PPP2R2C: variants seen among roughly 807,000 people sequenced by gnomAD.
The protein encoded by PPP2R2C is protein phosphatase 2 regulatory subunit Bgamma.
Under a neutral mutation model 45.3 loss-of-function variants are expected in PPP2R2C, and 10 were observed. The observed-to-expected ratio is 0.22, with a 90% CI of 0.14 to 0.37. The LOEUF is 0.37. Ranked by LOEUF, PPP2R2C falls within the 10% of genes least tolerant of loss-of-function variation. The pLI, the probability that PPP2R2C is intolerant of heterozygous loss-of-function variation, is 1.00. For synonymous variants in PPP2R2C, 257 were observed against 245.4 expected (o/e 1.05, Z -0.44); for missense variants, 308 against 619.7 (o/e 0.50, Z 5.34).
chr4:6,343,074 C>T (rs1312526229), intron 6 of PPP2R2C, among the ~76,000 whole-genome samples: 2 of 152,118 alleles, frequency 1.3e-5, no homozygotes, highest in Non-Finnish European at 1.5e-5. Context: ...AATCCTAATC[C>T]CCAAATCCCT....
intron 6 of PPP2R2C, among the ~76,000 whole-genome samples, chr4:6,338,081 CAA>C (rs1733129614): frequency 6.6e-6 from 1 of 152,036 alleles, no homozygotes; most frequent in Non-Finnish European, 1.5e-5. Context: ...AGAGCGCTAA[CAA>C]GAGATAAGGG....
At chr4:6,544,284 A>G (rs1423341726) in intron 1 of PPP2R2C, among the ~76,000 whole-genome samples, 1 of 152,226 alleles carries the variant, frequency 6.6e-6, no homozygotes, top group Non-Finnish European at 1.5e-5. Context: ...AGCTACCGGA[A>G]GTCCCTCTAG....
intron 1 of PPP2R2C, among the ~76,000 whole-genome samples, chr4:6,446,592 G>A (rs1720431967): frequency 6.6e-6 from 1 of 152,160 alleles, no homozygotes; most frequent in South Asian, 2.1e-4. Context: ...ATGAGGCCCA[G>A]GCAGGGCTTG....
rs1732444279 is a variant in PPP2R2C at position 6,331,997 on chromosome 4, G to A, written c.960+1565C>T. ...TAGCATCAATAGGTCAGCTGGGCCA[G>A]ATGCCAAGTGCCCAGCTTACGGCCT... On this transcript the variant is annotated intron_variant, in intron 7 of 8. Coordinates refer to ENST00000382599, the MANE Select transcript of PPP2R2C (RefSeq NM_020416.4). This position sits in a 1 kb window ranked among gnomAD's most constrained non-coding sequence, Gnocchi z 5.9. 6.6e-6 allele frequency among the ~76,000 whole-genome samples: 1 copy of A among 152,250 alleles called. No homozygotes were observed. The highest frequency in any genetic ancestry group is 2.4e-5 in the African/African-American group (1 of 41,460).
intron 6 of PPP2R2C, among the ~76,000 whole-genome samples, chr4:6,346,720 T>C (rs773065122): frequency 1.3e-5 from 2 of 152,150 alleles, no homozygotes; most frequent in Non-Finnish European, 2.9e-5. Flanking sequence ...TGGTGGGCCC[T>C]GAGCCTGAGT....
At chr4:6,358,961 G>C (rs904242885) in intron 5 of PPP2R2C, among the ~76,000 whole-genome samples, 2 of 152,200 alleles carry the variant, frequency 1.3e-5, no homozygotes, top group African/African-American at 2.4e-5. Context: ...TCTAGAACTA[G>C]AAATACCATT....
At position 6,345,202 on chromosome 4, in the gene PPP2R2C, A is replaced by T. The variant is rs1250802806; in HGVS notation, c.790+2644T>A. Among the ~76,000 whole-genome samples, 1 of 152,190 alleles carries T rather than the reference A, an allele frequency of 6.6e-6. No individual in the cohort carries two copies. Among genetic ancestry groups the T allele is most frequent in the Non-Finnish European group, 1.5e-5 (1 of 68,032 alleles). On this transcript the variant is annotated intron_variant, in intron 6 of 8. Transcript: ENST00000382599. This position sits in a 1 kb window ranked among gnomAD's most constrained non-coding sequence, Gnocchi z 5.3. ...TCAGCAGCGGACCAGGAGCAGGAAG[A>T]ACCCCCTCTCTTCCCCAATATTCTC...
At chr4:6,544,259 A>G (rs533052585) in intron 1 of PPP2R2C, among the ~76,000 whole-genome samples, 31 of 152,270 alleles carry the variant, frequency 2.0e-4, no homozygotes, top group African/African-American at 6.3e-4. Flanking sequence ...TTGCAGCCCT[A>G]TCTCTTTCAG....
intron 6 of PPP2R2C, among the ~76,000 whole-genome samples, chr4:6,340,321 G>A (rs962375608): frequency 2.0e-5 from 3 of 151,958 alleles, no homozygotes; most frequent in Non-Finnish European, 4.4e-5. Flanking sequence ...GGGCACCCCC[G>A]CCCCCATTCC....
rs926138946 is a variant in PPP2R2C at position 6,495,128 on chromosome 4, G to A, written c.49+40143C>T. On this transcript the variant is annotated intron_variant, in intron 2 of 9. Coordinates refer to the PPP2R2C transcript ENST00000506140. ...CCAGCCTGCCCTGCCAAGGGGCTAC[G>A]TGGCCTCCACAGCCAGCATGAAGTC... Among the ~76,000 whole-genome samples, 6 of 152,340 alleles carry A rather than the reference G, an allele frequency of 3.9e-5. No homozygotes were observed. In the East Asian group the frequency reaches 5.8e-4, roughly 15 times the overall value.
Position 6,563,156 on chromosome 4 carries a change from A to AG in PPP2R2C, c.-59+403dup, listed in dbSNP as rs1725637694. Among the ~76,000 whole-genome samples, 2 of 151,846 alleles carry AG rather than the reference A, an allele frequency of 1.3e-5. No individual in the cohort carries two copies. Among genetic ancestry groups the AG allele is most frequent in the South Asian group, 4.2e-4 (2 of 4,810 alleles). ...CGCCCGCACCTTCAGCCGGGCAGCG[A>AG]GGGGGGGCTCGAGCGCGCCGGTTCT... On this transcript the variant is annotated intron_variant, in intron 1 of 9. Coordinates refer to the PPP2R2C transcript ENST00000506140. The surrounding 1 kb of genome is among the most constrained non-coding windows in gnomAD (Gnocchi z 5.8).
rs113278518 is a variant in PPP2R2C at position 6,368,506 on chromosome 4, C to A, written c.625+4017G>T. Among the ~76,000 whole-genome samples, 2 of 152,120 alleles carry A rather than the reference C, an allele frequency of 1.3e-5. No homozygotes were observed. Among genetic ancestry groups the A allele is most frequent in the African/African-American group, 4.8e-5 (2 of 41,416 alleles). ...GGTAAATGGTGTGCTCTGCAACATG[C>A]GGACAGGGCACAATCTGTGTGTTCG... On this transcript the variant is annotated intron_variant, in intron 5 of 8. Transcript: ENST00000382599. The surrounding 1 kb of genome is among the most constrained non-coding windows in gnomAD (Gnocchi z 4.2).
intron 1 of PPP2R2C, among the ~76,000 whole-genome samples, chr4:6,416,023 C>A (rs1296008522): frequency 6.6e-6 from 1 of 152,212 alleles, no homozygotes. Flanking sequence ...AATTTTTTAT[C>A]CCAAGTTCCT....
At chr4:6,375,277 C>T (rs1715206409) in intron 4 of PPP2R2C, among the ~76,000 whole-genome samples, 1 of 152,206 alleles carries the variant, frequency 6.6e-6, no homozygotes. Context: ...GCACTGACTA[C>T]TGCTTTATAT....
rs956734147 is a variant in PPP2R2C at position 6,323,277 on chromosome 4, G to C, written c.*25C>G. On this transcript the variant is annotated 3_prime_UTR_variant, in exon 9 of 9. Transcript: ENST00000382599. ...GGGGATGACTTGCATGAGGCTGGGT[G>C]GCAGGGGCCGGGAACTGCACATACC... 1.3e-6 allele frequency: 2 copies of C among 1,565,998 alleles called. No individual in the cohort carries two copies. Among genetic ancestry groups the C allele is most frequent in the East Asian group, 4.5e-5 (2 of 43,998 alleles).
At chr4:6,462,325 A>G (rs1577201508) in intron 1 of PPP2R2C, among the ~76,000 whole-genome samples, 1 of 152,158 alleles carries the variant, frequency 6.6e-6, no homozygotes, top group East Asian at 1.9e-4. Flanking sequence ...AAATACAAAA[A>G]TTAGTCGGGC....
At chr4:6,415,632 G>A (rs959302204) in intron 1 of PPP2R2C, among the ~76,000 whole-genome samples, 4 of 152,176 alleles carry the variant, frequency 2.6e-5, no homozygotes, top group South Asian at 2.1e-4. Context: ...CCAAGTCACC[G>A]TGCCTCAATC....
At chr4:6,421,034 G>A (rs1718925519) in intron 1 of PPP2R2C, 1 of 985,208 alleles carries the variant, frequency 1.0e-6, no homozygotes, top group South Asian at 4.7e-5. Context: ...AGGAAGCGGT[G>A]CTTTGTGTGC....
chr4:6,323,524 G>A lies in PPP2R2C; in HGVS notation c.1122C>T (p.Thr374=). 3.1e-6 allele frequency: 5 copies of A among 1,599,526 alleles called. No homozygotes were observed. The highest frequency in any genetic ancestry group is 4.3e-6 in the Non-Finnish European group (5 of 1,168,038). The part of the protein sequence containing the change: ...MFDRNTKRDV[T]LEASRESSKP... ...TGCTGCTTTCCCTCGAGGCCTCCAGGGTCACGTCCCGCTTGGTGTTCCGAT... is the reference window on the plus strand; with the variant it reads ...TGCTGCTTTCCCTCGAGGCCTCCAGAGTCACGTCCCGCTTGGTGTTCCGAT... Residue 374 remains threonine (T), a synonymous_variant, in exon 9 of 9, where the codon ACC becomes ACT. Transcript: ENST00000382599.
Sources: allele counts gnomAD v4.1 joint callset (sites outside exome capture counted in the v4.1 genomes callset), GRCh38; gene constraint gnomAD v4.1.1; non-coding constraint Gnocchi (gnomAD v3.1); transcripts MANE v1.5; gene names NCBI Gene and HGNC (gene_info 2026-07-23, HGNC 2026-07-21).